The following HS3ST3A1 variants were observed in gnomAD, a reference collection of about 807,000 sequenced individuals.
The protein encoded by HS3ST3A1 is heparan sulfate-glucosamine 3-sulfotransferase 3A1.
A neutral mutation model predicts 25.7 loss-of-function variants in HS3ST3A1; 19 were observed. The observed-to-expected ratio is 0.74, with a 90% CI of 0.52 to 1.08. The LOEUF (loss-of-function observed/expected upper bound fraction) is 1.08. Among genes scored for constraint, HS3ST3A1 ranks in the 50% least tolerant of loss-of-function variants. The pLI is 0.00. For synonymous variants in HS3ST3A1, 226 were observed against 278.6 expected (o/e 0.81, Z 1.88); for missense variants, 459 against 594.3 (o/e 0.77, Z 2.37).
In HS3ST3A1 at chr17:13,496,830, A is replaced by T; in HGVS notation, c.600-12T>A. ...TGGGCATCAGGTCCCTGAGAAACGC[A>T]AAAAGGCATGTCAGAGATGTGCAGA... is the stretch of plus-strand genomic sequence containing the variant. On this transcript the variant is annotated splice_polypyrimidine_tract_variant and intron_variant, in intron 1 of 1. Transcript: ENST00000284110. 1.2e-6 allele frequency: 2 copies of T among 1,608,658 alleles called. No homozygotes were observed. Among genetic ancestry groups the T allele is most frequent in the Non-Finnish European group, 1.7e-6 (2 of 1,176,828 alleles).
chr17:13,518,128 A>G (rs1023775009), intron 1 of HS3ST3A1, among the ~76,000 whole-genome samples: 28 of 152,342 alleles, frequency 1.8e-4, no homozygotes, highest in Admixed American at 1.0e-3. Flanking sequence ...GAAGGATCCT[A>G]CAGTCTGACT....
At chr17:13,519,568 G>A (rs1266375885) in intron 1 of HS3ST3A1, among the ~76,000 whole-genome samples, 4 of 151,896 alleles carry the variant, frequency 2.6e-5, no homozygotes, top group South Asian at 2.1e-4. Flanking sequence ...GATGATGATG[G>A]TGATGATAAT....
At chr17:13,570,034 C>T (rs1907762517) in intron 1 of HS3ST3A1, among the ~76,000 whole-genome samples, 1 of 152,226 alleles carries the variant, frequency 6.6e-6, no homozygotes, top group African/African-American at 2.4e-5. Flanking sequence ...TGGGAGTTAG[C>T]TGGTTAACAA....
chr17:13,546,286 TGACGGA>T (rs1162779816), intron 1 of HS3ST3A1, among the ~76,000 whole-genome samples: 2 of 152,204 alleles, frequency 1.3e-5, no homozygotes, highest in Admixed American at 6.5e-5. Context: ...TTCTTTTTTT[TGACGGA>T]GTCTCACTCT....
intron 1 of HS3ST3A1, among the ~76,000 whole-genome samples, chr17:13,519,967 A>G (rs954271700): frequency 1.3e-5 from 2 of 152,202 alleles, no homozygotes; most frequent in Non-Finnish European, 2.9e-5. Flanking sequence ...ATAGCATGAA[A>G]CTATGTCAAG....
At chr17:13,575,218 C>T (rs575632355) in intron 1 of HS3ST3A1, among the ~76,000 whole-genome samples, 3 of 152,258 alleles carry the variant, frequency 2.0e-5, no homozygotes, top group African/African-American at 7.2e-5. Flanking sequence ...TGCTGAGGCT[C>T]TTTTCTGATT....
intron 1 of HS3ST3A1, among the ~76,000 whole-genome samples, chr17:13,535,169 ATG>A (rs1234999920): frequency 6.6e-6 from 1 of 152,212 alleles, no homozygotes; most frequent in Admixed American, 6.5e-5. Flanking sequence ...ATCTTGTTTT[ATG>A]TGTTTCTGTT....
At chr17:13,559,148 A>G (rs1299116817) in intron 1 of HS3ST3A1, among the ~76,000 whole-genome samples, 1 of 152,258 alleles carries the variant, frequency 6.6e-6, no homozygotes, top group Non-Finnish European at 1.5e-5. Context: ...ATGAATACCA[A>G]TCAGCCTGGA....
chr17:13,503,173 C>CAAAAAAAAAAAA (rs144678351), intron 1 of HS3ST3A1, among the ~76,000 whole-genome samples: 12 of 86,848 alleles, frequency 1.4e-4, no homozygotes, highest in Non-Finnish European at 2.3e-4. Context: ...GACTCCATCT[C>CAAAAAAAAAAAA]AAAAAAAAAA....
rs150006417 is a variant in HS3ST3A1, at chr17:13,511,711, T to C, written c.600-14893A>G. Among the ~76,000 whole-genome samples the C allele has an allele frequency of 2.6e-5, 4 of 151,134 alleles. No homozygotes were observed. In the East Asian group the frequency reaches 7.7e-4, roughly 29 times the overall value. ...CTGATTCTTTCTAGTGGCAACTAGATGGATGTTAAAAGCTAGAATGGAGAA... is the reference window on the plus strand; with the variant it reads ...CTGATTCTTTCTAGTGGCAACTAGACGGATGTTAAAAGCTAGAATGGAGAA... On this transcript the variant is annotated intron_variant, in intron 1 of 1. Coordinates refer to ENST00000284110, the MANE Select transcript of HS3ST3A1 (RefSeq NM_006042.3).
chr17:13,530,005 TAC>T (rs3220827), intron 1 of HS3ST3A1, among the ~76,000 whole-genome samples: 6,875 of 149,120 alleles, frequency 0.046, 218 homozygotes, highest in East Asian at 0.18. Context: ...TTTATGTAAC[TAC>T]ACACACACAC....
chr17:13,526,678 G>A (rs999597320), intron 1 of HS3ST3A1, among the ~76,000 whole-genome samples: 1 of 150,500 alleles, frequency 6.6e-6, no homozygotes, highest in Non-Finnish European at 1.5e-5. Flanking sequence ...ACAGAGTTTC[G>A]CTCTTGTTGC....
intron 1 of HS3ST3A1, among the ~76,000 whole-genome samples, chr17:13,592,789 C>G (rs1388694076): frequency 6.6e-6 from 1 of 152,038 alleles, no homozygotes; most frequent in Non-Finnish European, 1.5e-5. Flanking sequence ...TTACTCTAGT[C>G]AACCAGAAGC....
chr17:13,501,982 T>C (rs1299573141), intron 1 of HS3ST3A1, among the ~76,000 whole-genome samples: 2 of 152,030 alleles, frequency 1.3e-5, no homozygotes, highest in Admixed American at 6.6e-5. Context: ...ATGGGCTCGG[T>C]TTTTAAGGGG....
intron 1 of HS3ST3A1, among the ~76,000 whole-genome samples, chr17:13,562,819 T>G (rs190604970): frequency 7.2e-5 from 11 of 152,244 alleles, no homozygotes; most frequent in African/African-American, 2.2e-4. Flanking sequence ...CCTGTGACCG[T>G]AAACCATCTT....
At chr17:13,545,752 G>C (rs1907069548) in intron 1 of HS3ST3A1, among the ~76,000 whole-genome samples, 1 of 152,162 alleles carries the variant, frequency 6.6e-6, no homozygotes, top group Admixed American at 6.5e-5. Context: ...CGAGGCGCAT[G>C]GATCACTTGA....
chr17:13,601,235 A>C lies in HS3ST3A1; in HGVS notation c.-106T>G. On this transcript the variant is annotated 5_prime_UTR_variant, in exon 1 of 2. It removes an upstream start codon present in the reference 5' UTR. Transcript: ENST00000284110. ...GGCCAGCGCGCTGGACGGAGGCCAC[A>C]TCGCCGTGCGCCCCTGTGGCCGTGC... is the stretch of plus-strand genomic sequence containing the variant. The C allele has an allele frequency of 1.2e-6, 1 of 815,448 alleles. No homozygotes were observed. The highest frequency in any genetic ancestry group is 1.8e-6 in the Non-Finnish European group (1 of 560,452). 50.5% of individuals were successfully genotyped at this position (815,448 alleles called of 1,614,324 possible).
At chr17:13,576,724 C>T (rs952332536) in intron 1 of HS3ST3A1, among the ~76,000 whole-genome samples, 1 of 152,182 alleles carries the variant, frequency 6.6e-6, no homozygotes, top group African/African-American at 2.4e-5. Flanking sequence ...TTAATTAATG[C>T]CTCTCCAGCA....
intron 1 of HS3ST3A1, among the ~76,000 whole-genome samples, chr17:13,558,206 G>A (rs925024473): frequency 3.9e-5 from 6 of 152,106 alleles, no homozygotes; most frequent in African/African-American, 1.2e-4. Flanking sequence ...TTGAGCCCAG[G>A]AGTTAGAGAC....
Sources: allele counts gnomAD v4.1 joint callset (sites outside exome capture counted in the v4.1 genomes callset), GRCh38; gene constraint gnomAD v4.1.1; transcripts MANE v1.5; gene names NCBI Gene and HGNC (gene_info 2026-07-23, HGNC 2026-07-21).